ATAD2B: variants seen among roughly 807,000 people sequenced by gnomAD.
The protein encoded by ATAD2B is ATPase family AAA domain-containing protein 2B.
A neutral mutation model predicts 167.6 loss-of-function variants in ATAD2B; 40 were observed. The observed-to-expected ratio is 0.24, with a 90% CI of 0.19 to 0.31. ATAD2B has a LOEUF of 0.31. Among genes scored for constraint, ATAD2B ranks in the 10% least tolerant of loss-of-function variants. The pLI, the probability that ATAD2B is intolerant of heterozygous loss-of-function variation, is 1.00. For synonymous variants in ATAD2B, 579 were observed against 596.5 expected (o/e 0.97, Z 0.43); for missense variants, 1,242 against 1,757.2 (o/e 0.71, Z 5.24).
intron 13 of ATAD2B, among the ~76,000 whole-genome samples, chr2:23,850,923 CACA>C (rs1692468938): frequency 6.6e-6 from 1 of 152,094 alleles, no homozygotes; most frequent in Non-Finnish European, 1.5e-5. Flanking sequence ...GTAATTAGGA[CACA>C]AGGGCAAAAC....
chr2:23,717,252 A>T, the ATAD2B span, among the ~76,000 whole-genome samples: 3 of 147,080 alleles, frequency 2.0e-5, no homozygotes, highest in Admixed American at 2.0e-4. Flanking sequence ...TGAGAACCCA[A>T]CAGGGACTCA....
In ATAD2B at chr2:23,833,851, C is replaced by T. The variant is rs1689458599; in HGVS notation, c.1728+68G>A. 4 of 1,211,204 alleles carry T rather than the reference C, an allele frequency of 3.3e-6. No individual in the cohort carries two copies. The East Asian group carries it at 9.9e-5, about 30-fold the overall frequency. The allele number at this position is 1,211,204 out of a possible 1,614,324, so 75.0% of individuals were successfully genotyped here. A position where few individuals can be genotyped will look rare whatever the true frequency, so the allele number is the denominator to read the frequency against. ...ACAATGAAAATTCATAAAATATCAC[C>T]CTCAGAACATATGCCTTATAGTAGA... On this transcript the variant is annotated intron_variant, in intron 14 of 27. Coordinates refer to ENST00000238789, the MANE Select transcript of ATAD2B (RefSeq NM_017552.4).
chr2:23,832,242 A>G (rs1463704874), intron 14 of ATAD2B: 1 of 469,670 alleles, frequency 2.1e-6, no homozygotes. Context: ...AAGACTTGGT[A>G]ATCTCATCTA....
At chr2:23,857,376 T>TA in intron 13 of ATAD2B, 39 bp downstream of exon 13, 2 of 1,207,632 alleles carry the variant, frequency 1.7e-6, no homozygotes, top group Admixed American at 3.0e-5. Flanking sequence ...AGTCAATGCG[T>TA]AAAAAAGAAA....
chr2:23,903,681 A>G (rs542324103), intron 1 of ATAD2B, among the ~76,000 whole-genome samples: 1 of 152,344 alleles, frequency 6.6e-6, no homozygotes, highest in South Asian at 2.1e-4. Flanking sequence ...TAAATTTGTC[A>G]GAAATCTAAA....
chr2:23,713,061 C>G, the ATAD2B span, among the ~76,000 whole-genome samples: 1 of 152,370 alleles, frequency 6.6e-6, no homozygotes, highest in East Asian at 1.9e-4. Flanking sequence ...GCCCTGCAGC[C>G]TACAGATGAC....
At chr2:23,833,280 T>C (rs985354574) in intron 14 of ATAD2B, among the ~76,000 whole-genome samples, 2 of 152,196 alleles carry the variant, frequency 1.3e-5, no homozygotes, top group African/African-American at 4.8e-5. Flanking sequence ...TCACATACAG[T>C]ACCTCCTTTG....
At position 23,823,425 on chromosome 2, in the gene ATAD2B, T is replaced by A; in HGVS notation, c.1964A>T (p.His655Leu). 6.2e-7 allele frequency: 1 copy of A among 1,613,992 alleles called. No individual in the cohort carries two copies. The highest frequency in any genetic ancestry group is 8.5e-7 in the Non-Finnish European group (1 of 1,179,900). Residue 655 changes from histidine (H) to leucine (L), a missense_variant, in exon 16 of 28, where the codon CAT becomes CTT. His to Leu is a moderately conservative substitution (Grantham distance 99). Coordinates refer to ENST00000238789, the MANE Select transcript of ATAD2B (RefSeq NM_017552.4). ...SIVLSAQDFY[H>L]AMQNIVPASQ... ...AGCAGGCACGATATTCTGCATTGCA[T>A]GGTAAAAATCTTGGGCACTAAGCAC...
chr2:23,906,247 A>G (rs1701476078), intron 1 of ATAD2B, among the ~76,000 whole-genome samples: 1 of 152,044 alleles, frequency 6.6e-6, no homozygotes, highest in Admixed American at 6.6e-5. Flanking sequence ...AGACTGAGAC[A>G]GGAGAATCAC....
chr2:23,762,249 ATTTC>A lies in ATAD2B; in HGVS notation c.3350_3353del (p.Arg1117IlefsTer40), dbSNP rs1558496437. The A allele has an allele frequency of 1.2e-6, 2 of 1,613,580 alleles. No homozygotes were observed. Among genetic ancestry groups the A allele is most frequent in the South Asian group, 1.1e-5 (1 of 91,062 alleles). Reference sequence around the variant, plus strand: ...CAGAGTTGTGCCACACATCCATTGGATTTCTTTGTTTGTGCCGAAATGCCTCTTC... The same window carrying A: ...CAGAGTTGTGCCACACATCCATTGGATTTGTTTGTGCCGAAATGCCTCTTC... On this transcript the variant is annotated frameshift_variant, in exon 24 of 28. Transcript: ENST00000238789. LOFTEE classifies it high-confidence loss of function.
intron 4 of ATAD2B, 95 bp from the exon 5 acceptor site, chr2:23,885,924 T>C: frequency 2.8e-6 from 2 of 707,726 alleles, no homozygotes; most frequent in Non-Finnish European, 4.5e-6. Context: ...ATCTCTGATG[T>C]GTAACTACAC....
intron 18 of ATAD2B, among the ~76,000 whole-genome samples, chr2:23,809,344 A>G (rs752010588): frequency 1.3e-5 from 2 of 152,186 alleles, no homozygotes; most frequent in African/African-American, 2.4e-5. Context: ...AAGTGCTGGT[A>G]GGGTGTTCAT....
chr2:23,922,921 G>A (rs1704169826), intron 1 of ATAD2B, among the ~76,000 whole-genome samples: 1 of 152,100 alleles, frequency 6.6e-6, no homozygotes, highest in Admixed American at 6.5e-5. Context: ...ATGCAAAATG[G>A]TGCAGCCACT....
At chr2:23,859,112 T>C (rs1693930912) in intron 12 of ATAD2B, among the ~76,000 whole-genome samples, 1 of 152,166 alleles carries the variant, frequency 6.6e-6, no homozygotes, top group African/African-American at 2.4e-5. Context: ...CAATGTATTA[T>C]CAAACTTATT....
chr2:23,724,819 G>A, the ATAD2B span, among the ~76,000 whole-genome samples: 1,176 of 152,150 alleles, frequency 7.7e-3, 6 homozygotes, highest in African/African-American at 0.022. Flanking sequence ...CGAGGTGGGC[G>A]GATCACGAGG....
At chr2:23,894,473 A>C (rs1699936062) in intron 2 of ATAD2B, among the ~76,000 whole-genome samples, 1 of 152,050 alleles carries the variant, frequency 6.6e-6, no homozygotes, top group Non-Finnish European at 1.5e-5. Flanking sequence ...TCTCAAAAAA[A>C]AAAAAGAAAG....
At chr2:23,787,419 T>C (rs1317276630) in intron 20 of ATAD2B, among the ~76,000 whole-genome samples, 1 of 152,024 alleles carries the variant, frequency 6.6e-6, no homozygotes, top group African/African-American at 2.4e-5. Context: ...AAATAAATCA[T>C]TTTCATAATG....
rs1412123580 is a variant in ATAD2B at position 23,926,977 on chromosome 2, C to T, written c.-207G>A. 6.8e-6 allele frequency: 4 copies of T among 585,158 alleles called. No homozygotes were observed. The highest frequency in any genetic ancestry group is 6.0e-5 in the African/African-American group (3 of 50,168). The allele number at this position is 585,158 out of a possible 1,614,324, so 36.2% of individuals were successfully genotyped here. On this transcript the variant is annotated 5_prime_UTR_variant, in exon 1 of 28. Coordinates refer to ENST00000238789, the MANE Select transcript of ATAD2B (RefSeq NM_017552.4). ...GCAGGCGGCGTGCGGGAAGCGGGGG[C>T]GGTGCTGCAGACCGGCAGCACAGAC...
the ATAD2B span, among the ~76,000 whole-genome samples, chr2:23,710,282 CAA>C: frequency 1.1e-4 from 17 of 152,252 alleles, no homozygotes; most frequent in African/African-American, 2.6e-4. Flanking sequence ...ACAGACCTAA[CAA>C]AGAGGAAACG....
Sources: gnomAD v4.1 joint callset for allele counts (sites outside exome capture counted in the v4.1 genomes callset) on GRCh38, gnomAD v4.1.1 for gene constraint, MANE v1.5 for transcripts, NCBI Gene and HGNC (gene_info 2026-07-23, HGNC 2026-07-21) for gene names.